Variants in CTDSPL observed in about 807,000 individuals in gnomAD.
CTDSPL encodes the protein CTD small phosphatase-like protein.
In CTDSPL, 8 loss-of-function variants were observed where a neutral mutation model predicts 30.5. That is an observed-to-expected ratio of 0.26 (90% CI 0.15 to 0.47). The LOEUF (loss-of-function observed/expected upper bound fraction) is 0.47, where lower values mean the gene tolerates loss of function less well. Ranked by LOEUF, CTDSPL falls within the 20% of genes least tolerant of loss-of-function variation. The pLI is 0.99. For missense variants in CTDSPL, 248 were observed against 366.1 expected, an observed-to-expected ratio of 0.68 and a Z score of 2.63; for synonymous variants, 110 against 137.9, an observed-to-expected ratio of 0.80 and a Z score of 1.42.
chr3:37,903,838 G>C (rs143540373), intron 1 of CTDSPL, among the ~76,000 whole-genome samples: 3 of 152,326 alleles, frequency 2.0e-5, no homozygotes, highest in East Asian at 3.9e-4. Flanking sequence ...GACTACCACT[G>C]TCAGGACAGG....
intron 7 of CTDSPL, among the ~76,000 whole-genome samples, chr3:37,980,075 T>C (rs1280391205): frequency 1.3e-5 from 2 of 152,234 alleles, no homozygotes; most frequent in Non-Finnish European, 2.9e-5. Context: ...GCTAAAATGT[T>C]ACTTTTAAAC....
chr3:37,904,410 T>G (rs1455318002), intron 1 of CTDSPL, among the ~76,000 whole-genome samples: 2 of 152,108 alleles, frequency 1.3e-5, no homozygotes, highest in African/African-American at 4.8e-5. Context: ...GGTACTGATC[T>G]CACCTGAGAT....
At chr3:37,868,396 G>T (rs753660472) in intron 1 of CTDSPL, among the ~76,000 whole-genome samples, 9 of 151,904 alleles carry the variant, frequency 5.9e-5, no homozygotes, top group Non-Finnish European at 1.3e-4. Flanking sequence ...CTTTTTCAGA[G>T]CAAAAGTTTT....
At chr3:37,886,757 C>G (rs888238623) in intron 1 of CTDSPL, among the ~76,000 whole-genome samples, 4 of 152,126 alleles carry the variant, frequency 2.6e-5, no homozygotes, top group African/African-American at 9.7e-5. Context: ...GCCCCAGAGA[C>G]CAAAACAGTG....
intron 1 of CTDSPL, among the ~76,000 whole-genome samples, chr3:37,921,923 G>A (rs1314070223): frequency 6.6e-6 from 1 of 152,254 alleles, no homozygotes; most frequent in East Asian, 1.9e-4. Context: ...AGGAATAACT[G>A]GGACAGCCCC....
In CTDSPL at chr3:37,984,026, G is replaced by A. The variant is rs1485191818; in HGVS notation, c.*3159G>A. 7.7e-6 allele frequency: 2 copies of A among 259,218 alleles called. No homozygotes were observed. The highest frequency in any genetic ancestry group is 1.6e-5 in the Non-Finnish European group (2 of 122,926). The allele number at this position is 259,218 out of a possible 1,614,324, so 16.1% of individuals were successfully genotyped here. On this transcript the variant is annotated 3_prime_UTR_variant, in exon 8 of 8. Transcript: ENST00000273179. ...TTACAACCCTGTATTTTTAAAGATG[G>A]CTTTCTAATAAAAAATCCAGAACCA...
intron 1 of CTDSPL, among the ~76,000 whole-genome samples, chr3:37,908,927 G>C (rs114746683): frequency 6.6e-6 from 1 of 152,118 alleles, no homozygotes; most frequent in Non-Finnish European, 1.5e-5. Context: ...GAGTGGTCTT[G>C]GGTTATTCTT....
chr3:37,955,739 A>ACAGTG (rs754928938), intron 2 of CTDSPL, among the ~76,000 whole-genome samples: 1 of 152,328 alleles, frequency 6.6e-6, no homozygotes, highest in Non-Finnish European at 1.5e-5. Context: ...TCTCTTGGGT[A>ACAGTG]CAGTGCGTAT....
At chr3:37,930,284 A>G (rs1360650026) in intron 1 of CTDSPL, among the ~76,000 whole-genome samples, 2 of 151,912 alleles carry the variant, frequency 1.3e-5, no homozygotes, top group Non-Finnish European at 2.9e-5. Flanking sequence ...TTTTAGATAC[A>G]GGGTTTCACT....
chr3:37,972,796 C>T (rs1699382807), intron 6 of CTDSPL, among the ~76,000 whole-genome samples: 1 of 152,236 alleles, frequency 6.6e-6, no homozygotes, highest in African/African-American at 2.4e-5. Context: ...CTGACACCAT[C>T]CATTTGTTGG....
At position 37,878,445 on chromosome 3, in the gene CTDSPL, T is replaced by A. The variant is rs116214597; in HGVS notation, c.79+16167T>A. ...CATTTATTGAAAAGACCATCCTTTC[T>A]TCATTGTTTTGCCTTTGAACCTTTA... is the stretch of plus-strand genomic sequence containing the variant. On this transcript the variant is annotated intron_variant, in intron 1 of 7. Transcript: ENST00000273179. Among the ~76,000 whole-genome samples the A allele has an allele frequency of 4.7e-3, 719 of 152,368 alleles. 8 individuals carry two copies. The highest frequency in any genetic ancestry group is 0.017 in the African/African-American group (697 of 41,590).
At chr3:37,912,569 G>A (rs1698596415) in intron 1 of CTDSPL, among the ~76,000 whole-genome samples, 1 of 152,308 alleles carries the variant, frequency 6.6e-6, no homozygotes, top group African/African-American at 2.4e-5. Flanking sequence ...GGGGTATGCG[G>A]TACTGGGGAC....
In CTDSPL at chr3:37,862,279, G is replaced by T; in HGVS notation, c.79+1G>T. The T allele has an allele frequency of 6.7e-7, 1 of 1,493,184 alleles. No homozygotes were observed. The allele number at this position is 1,493,184 out of a possible 1,614,324, so 92.5% of individuals were successfully genotyped here. ...CGGTTGCCGGGCGCGGGCGAGAAAG[G>T]TGAGGAGGGGCGCAGGCGGCCGCGG... On this transcript the variant is annotated splice_donor_variant, in intron 1 of 7. Coordinates refer to ENST00000273179, the MANE Select transcript of CTDSPL (RefSeq NM_001008392.2). LOFTEE classifies it high-confidence loss of function. This position sits in a 1 kb window ranked among gnomAD's most constrained non-coding sequence, Gnocchi z 4.3.
intron 1 of CTDSPL, among the ~76,000 whole-genome samples, chr3:37,935,324 T>TA (rs149092725): frequency 1.9e-4 from 29 of 148,958 alleles, no homozygotes; most frequent in East Asian, 5.8e-4. Flanking sequence ...TTTAATAGGT[T>TA]AAAAAAAAAA....
chr3:37,903,032 T>C (rs1382129425), intron 1 of CTDSPL, among the ~76,000 whole-genome samples: 1 of 152,210 alleles, frequency 6.6e-6, no homozygotes, highest in Admixed American at 6.5e-5. Context: ...CTTCAGTTGT[T>C]TGAGACTGTT....
intron 1 of CTDSPL, among the ~76,000 whole-genome samples, chr3:37,923,231 G>A (rs1211659921): frequency 5.3e-5 from 8 of 152,210 alleles, no homozygotes; most frequent in Non-Finnish European, 1.0e-4. Flanking sequence ...CTGGCTGTAG[G>A]AGATGCAGGA....
intron 1 of CTDSPL, among the ~76,000 whole-genome samples, chr3:37,910,918 A>T (rs994980352): frequency 6.6e-6 from 1 of 152,156 alleles, no homozygotes; most frequent in Non-Finnish European, 1.5e-5. Flanking sequence ...GCCCTTCCCA[A>T]GCTCTAGTGG....
At chr3:37,948,808 C>CTTT (rs71635858) in intron 2 of CTDSPL, among the ~76,000 whole-genome samples, 2,003 of 108,020 alleles carry the variant, frequency 0.019, 138 homozygotes, top group African/African-American at 0.072. Flanking sequence ...TTCCAGCTTT[C>CTTT]TTTTTTTTTT....
At chr3:37,895,188 TGA>T (rs1559626915) in intron 1 of CTDSPL, among the ~76,000 whole-genome samples, 1 of 152,196 alleles carries the variant, frequency 6.6e-6, no homozygotes, top group Non-Finnish European at 1.5e-5. Context: ...TTCCGGGAAG[TGA>T]GGGGTCGTTG....
Sources: allele counts gnomAD v4.1 joint callset (sites outside exome capture counted in the v4.1 genomes callset), GRCh38; gene constraint gnomAD v4.1.1; non-coding constraint Gnocchi (gnomAD v3.1); transcripts MANE v1.5; gene names NCBI Gene and HGNC (gene_info 2026-07-23, HGNC 2026-07-21).